The following ZNF385B variants were observed in gnomAD, a reference collection of about 807,000 sequenced individuals.
ZNF385B encodes the protein zinc finger protein 385B, also known as zinc finger protein 533.
A neutral mutation model predicts 39.2 loss-of-function variants in ZNF385B; 23 were observed. That is an observed-to-expected ratio of 0.59 (90% confidence interval 0.42 to 0.83). The LOEUF (loss-of-function observed/expected upper bound fraction) is 0.83. ZNF385B is among the 40% of genes least tolerant of loss of function. The pLI is 0.00. For missense variants in ZNF385B, 552 were observed against 598.9 expected (o/e 0.92, Z 0.82); for synonymous variants, 205 against 222.6 (o/e 0.92, Z 0.70).
chr2:179,697,489 C>T (rs10196071), intron 3 of ZNF385B, among the ~76,000 whole-genome samples: 6,396 of 152,234 alleles, frequency 0.042, 439 homozygotes, highest in African/African-American at 0.15. Context: ...CTGAGGCTTA[C>T]CCAGCCATGC....
intron 5 of ZNF385B, among the ~76,000 whole-genome samples, chr2:179,503,860 C>CT (rs796211492): frequency 0.046 from 5,209 of 112,212 alleles, 304 homozygotes; most frequent in African/African-American, 0.15. Context: ...GCCACATTTT[C>CT]TTTTTTTTTT....
chr2:179,829,609 G>A (rs1707866769), intron 1 of ZNF385B, among the ~76,000 whole-genome samples: 1 of 152,090 alleles, frequency 6.6e-6, no homozygotes, highest in East Asian at 1.9e-4. Flanking sequence ...CGCCTCCTGG[G>A]TTCAGGCCAC....
intron 5 of ZNF385B, among the ~76,000 whole-genome samples, chr2:179,493,710 C>CGT (rs2055686815): frequency 1.9e-5 from 1 of 51,674 alleles, no homozygotes; most frequent in South Asian, 6.1e-4. Flanking sequence ...TATGTATACA[C>CGT]ATATGCATAT....
chr2:179,810,612 T>A (rs1291705934), intron 1 of ZNF385B, among the ~76,000 whole-genome samples: 2 of 152,016 alleles, frequency 1.3e-5, no homozygotes, highest in African/African-American at 4.8e-5. Flanking sequence ...CATCATCATT[T>A]CCAATCACTA....
At chr2:179,820,766 T>C (rs1233550882) in intron 1 of ZNF385B, among the ~76,000 whole-genome samples, 1 of 152,130 alleles carries the variant, frequency 6.6e-6, no homozygotes, top group East Asian at 1.9e-4. Context: ...AGGAATTTCC[T>C]TATAGTAATG....
At chr2:179,612,102 C>T (rs1689336025) in intron 3 of ZNF385B, among the ~76,000 whole-genome samples, 1 of 151,776 alleles carries the variant, frequency 6.6e-6, no homozygotes, top group African/African-American at 2.4e-5. Context: ...AATTTACCTC[C>T]TAGGATTCTG....
chr2:179,689,679 C>T (rs1423737393), intron 3 of ZNF385B, among the ~76,000 whole-genome samples: 4 of 152,246 alleles, frequency 2.6e-5, no homozygotes, highest in East Asian at 1.9e-4. Context: ...AGGAGACTGA[C>T]TACATCAGTG....
chr2:179,463,835 T>A (rs536913728), intron 6 of ZNF385B, among the ~76,000 whole-genome samples: 2 of 152,308 alleles, frequency 1.3e-5, no homozygotes, highest in South Asian at 4.1e-4. Flanking sequence ...GTCTTTATAG[T>A]AGAATGATTT....
At chr2:179,808,895 A>G (rs1706560168) in intron 1 of ZNF385B, among the ~76,000 whole-genome samples, 1 of 152,244 alleles carries the variant, frequency 6.6e-6, no homozygotes, top group South Asian at 2.1e-4. Flanking sequence ...TGAAAATATC[A>G]GCAATGTGTT....
At chr2:179,682,660 C>T (rs950214233) in intron 3 of ZNF385B, among the ~76,000 whole-genome samples, 2 of 152,144 alleles carry the variant, frequency 1.3e-5, no homozygotes, top group African/African-American at 2.4e-5. Flanking sequence ...CCTCCTGAAT[C>T]CAAGAAGAAA....
intron 3 of ZNF385B, among the ~76,000 whole-genome samples, chr2:179,632,136 G>C (rs1402341095): frequency 6.6e-6 from 1 of 152,152 alleles, no homozygotes; most frequent in Non-Finnish European, 1.5e-5. Context: ...ATATTAGACA[G>C]ATCAATGAGA....
chr2:179,456,612 T>C (rs923399920), intron 6 of ZNF385B, among the ~76,000 whole-genome samples: 11 of 152,200 alleles, frequency 7.2e-5, no homozygotes, highest in African/African-American at 2.7e-4. Context: ...ACAAACCTAA[T>C]AATGTTAAGT....
intron 6 of ZNF385B, among the ~76,000 whole-genome samples, chr2:179,473,222 GCTCATGAAACCTTAATATC>G (rs1305074830): frequency 5.9e-5 from 9 of 152,092 alleles, no homozygotes; most frequent in African/African-American, 2.2e-4. Flanking sequence ...AAAAAGTCAG[GCTCATGAAACCTTAATATC>G]CTGAAATGAA....
At chr2:179,625,659 G>A (rs1006019917) in intron 3 of ZNF385B, among the ~76,000 whole-genome samples, 2 of 151,986 alleles carry the variant, frequency 1.3e-5, no homozygotes, top group Admixed American at 1.3e-4. Flanking sequence ...AGATCCCTAA[G>A]GCAAAGTCCC....
At chr2:179,626,489 T>G (rs548984298) in intron 3 of ZNF385B, among the ~76,000 whole-genome samples, 8 of 152,264 alleles carry the variant, frequency 5.3e-5, no homozygotes, top group Admixed American at 4.6e-4. Context: ...AAATACATCC[T>G]TAAGTTGTAT....
At chr2:179,653,568 T>C (rs528508055) in intron 3 of ZNF385B, among the ~76,000 whole-genome samples, 1 of 152,178 alleles carries the variant, frequency 6.6e-6, no homozygotes, top group Non-Finnish European at 1.5e-5. Context: ...TAAATTCTAA[T>C]TGAAAATCTG....
chr2:179,492,655 T>A (rs1192054218), intron 5 of ZNF385B, among the ~76,000 whole-genome samples: 1 of 152,092 alleles, frequency 6.6e-6, no homozygotes, highest in Non-Finnish European at 1.5e-5. Flanking sequence ...ATGTTTAATA[T>A]ATTAGTTATT....
chr2:179,774,254 G>A (rs1383787525), intron 1 of ZNF385B, among the ~76,000 whole-genome samples: 2 of 151,360 alleles, frequency 1.3e-5, no homozygotes, highest in Non-Finnish European at 3.0e-5. Flanking sequence ...ATAGTGGAGG[G>A]TGTGTGTGTG....
chr2:179,546,804 A>C (rs1454326446), intron 3 of ZNF385B, among the ~76,000 whole-genome samples: 1 of 142,246 alleles, frequency 7.0e-6, no homozygotes, highest in East Asian at 1.9e-4. Context: ...GAATAACCAA[A>C]CTGTTTTCCT....
Sources: allele counts gnomAD v4.1 joint callset (sites outside exome capture counted in the v4.1 genomes callset), GRCh38; gene constraint gnomAD v4.1.1; transcripts MANE v1.5; gene names NCBI Gene and HGNC (gene_info 2026-07-23, HGNC 2026-07-21).